Variants in UBE3A observed in about 807,000 individuals in gnomAD.
The protein encoded by UBE3A is ubiquitin protein ligase E3A, also known as ubiquitin-protein ligase E3A.
A neutral mutation model predicts 83.4 loss-of-function variants in UBE3A; 6 were observed. The observed-to-expected ratio is 0.07, with a 90% CI of 0.04 to 0.14. The LOEUF is 0.14. UBE3A is among the 10% of genes least tolerant of loss of function. UBE3A has a pLI of 1.00. For synonymous variants in UBE3A, 337 were observed against 355.4 expected, an observed-to-expected ratio of 0.95 and a Z score of 0.58; for missense variants, 456 against 1,036.1, an observed-to-expected ratio of 0.44 and a Z score of 7.69.
At chr15:25,373,993 GT>G (rs2080762070) in intron 5 of UBE3A, 1 of 152,150 alleles carries the variant, frequency 6.6e-6, no homozygotes, top group South Asian at 2.1e-4. Context: ...CGCAAAAACA[GT>G]TTGGTGCAGA....
chr15:25,433,253 G>A (rs975298671), intron 1 of UBE3A, among the ~76,000 whole-genome samples: 11 of 143,364 alleles, frequency 7.7e-5, no homozygotes, highest in Non-Finnish European at 1.5e-4. Context: ...GCATGATCTT[G>A]GCTCACTGCA....
At chr15:25,437,768 G>T (rs1895545505) in intron 1 of UBE3A, among the ~76,000 whole-genome samples, 1 of 152,062 alleles carries the variant, frequency 6.6e-6, no homozygotes, top group Admixed American at 6.6e-5. Flanking sequence ...TAAGGCATTT[G>T]GTACATTCAA....
intron 2 of UBE3A, among the ~76,000 whole-genome samples, chr15:25,410,744 T>C (rs2089826707): frequency 6.6e-6 from 1 of 152,184 alleles, no homozygotes; most frequent in Admixed American, 6.5e-5. Context: ...TTCCAATAAA[T>C]GGGATTTATA....
At chr15:25,414,685 T>G (rs969223349) in intron 1 of UBE3A, among the ~76,000 whole-genome samples, 3 of 152,198 alleles carry the variant, frequency 2.0e-5, no homozygotes, top group Non-Finnish European at 4.4e-5. Context: ...TCTCTCTCTT[T>G]CCCAGTATAT....
chr15:25,379,772 C>T (rs1192593503), intron 4 of UBE3A, among the ~76,000 whole-genome samples: 1 of 152,108 alleles, frequency 6.6e-6, no homozygotes, highest in Non-Finnish European at 1.5e-5. Flanking sequence ...AAATCGAGTC[C>T]ACCACCTGTT....
chr15:25,367,249 G>GTAAATATGTAAATATGTAAATATTTA (rs1566941812), intron 6 of UBE3A, among the ~76,000 whole-genome samples: 1 of 49,334 alleles, frequency 2.0e-5, no homozygotes, highest in Non-Finnish European at 4.4e-5. Flanking sequence ...GTAAATATTT[G>GTAAATATGTAAATATGTAAATATTTA]CATATTTGTA....
At chr15:25,401,163 A>G (rs953398889) in intron 4 of UBE3A, among the ~76,000 whole-genome samples, 3 of 152,162 alleles carry the variant, frequency 2.0e-5, no homozygotes, top group Admixed American at 1.3e-4. Flanking sequence ...GGTAAATCCC[A>G]TATGATCACA....
At chr15:25,393,651 G>A (rs1372271289) in intron 4 of UBE3A, 6 of 152,022 alleles carry the variant, frequency 3.9e-5, no homozygotes, top group Non-Finnish European at 8.8e-5. Flanking sequence ...TCATAATATA[G>A]CCATGTTTTG....
chr15:25,372,667 C>A (rs932730941), intron 5 of UBE3A, among the ~76,000 whole-genome samples: 1 of 152,166 alleles, frequency 6.6e-6, no homozygotes, highest in African/African-American at 2.4e-5. Context: ...AAAGATATTT[C>A]ATTTCACAGG....
In UBE3A at chr15:25,339,164, C is replaced by G. The variant is rs377110924; in HGVS notation, c.2592G>C (p.Thr864=). The G allele has an allele frequency of 1.4e-5, 23 of 1,607,028 alleles. No individual in the cohort carries two copies. In the South Asian group the frequency reaches 2.2e-4, roughly 15 times the overall value. Residue 864 remains threonine, a synonymous_variant, in exon 13 of 13, where the codon ACG becomes ACC. Coordinates refer to ENST00000648336, the MANE Select transcript of UBE3A (RefSeq NM_130839.5). ...KLKERLLKAI[T]YAKGFGML ...ACAGCATGCCAAATCCTTTGGCATA[C>G]GTGATGGCCTTCAACAATCTCTCTT...
chr15:25,360,573 T>C, intron 6 of UBE3A, 46 bp from the exon 7 acceptor site: 1 of 1,599,392 alleles, frequency 6.3e-7, no homozygotes. Context: ...ATTGCTAGTA[T>C]CAGGAAAAAA....
At position 25,381,369 on chromosome 15, in the gene UBE3A, G is replaced by T. The variant is rs571236840; in HGVS notation, c.63-5606C>A. 8.5e-5 allele frequency among the ~76,000 whole-genome samples: 13 copies of T among 152,306 alleles called. No homozygotes were observed. The South Asian group carries it at 2.7e-3, about 32-fold the overall frequency. ...GAAACAGCTGCCAGAAAGTGAAGAT[G>T]TGACAGTGAACGCCAAACAAGTAAG... On this transcript the variant is annotated intron_variant, in intron 4 of 12. Transcript: ENST00000648336.
At chr15:25,345,852 G>GA (rs2075606379) in intron 11 of UBE3A, 1 of 151,812 alleles carries the variant, frequency 6.6e-6, no homozygotes, top group Non-Finnish European at 1.5e-5. Context: ...GAAATGCAAG[G>GA]AAAAAAATCC....
intron 1 of UBE3A, among the ~76,000 whole-genome samples, chr15:25,414,669 A>G (rs928695647): frequency 1.3e-5 from 2 of 152,232 alleles, no homozygotes; most frequent in Non-Finnish European, 2.9e-5. Flanking sequence ...GTCATATTCT[A>G]AAGAGTCTCT....
intron 4 of UBE3A, among the ~76,000 whole-genome samples, chr15:25,398,055 C>T (rs1219998438): frequency 6.7e-6 from 1 of 149,668 alleles, no homozygotes; most frequent in African/African-American, 2.5e-5. Flanking sequence ...AAAAATGATA[C>T]GTATTTGGGA....
In UBE3A at chr15:25,408,784, C is replaced by T. The variant is rs932879392; in HGVS notation, c.20+304G>A. 7 of 990,090 alleles carry T rather than the reference C, an allele frequency of 7.1e-6. No individual in the cohort carries two copies. In the East Asian group the frequency reaches 7.9e-5, roughly 11 times the overall value. The allele number at this position is 990,090 out of a possible 1,614,324, so 61.3% of individuals were successfully genotyped here. ...CACATAAAAGGCATACTTTAAAATG[C>T]ATATTAAGAAATTTTTAATGTTTTC... On this transcript the variant is annotated intron_variant, in intron 3 of 12. Transcript: ENST00000648336.
intron 4 of UBE3A, among the ~76,000 whole-genome samples, chr15:25,404,444 T>C (rs2087946677): frequency 6.6e-6 from 1 of 152,294 alleles, no homozygotes; most frequent in Admixed American, 6.5e-5. Flanking sequence ...CGAAAAACTT[T>C]GCTTTGATAA....
intron 1 of UBE3A, among the ~76,000 whole-genome samples, chr15:25,414,770 A>G (rs1299336508): frequency 6.6e-6 from 1 of 152,156 alleles, no homozygotes. Flanking sequence ...ATTATTCCCC[A>G]GTCTTTTTTG....
chr15:25,348,073 G>T (rs74442322), intron 11 of UBE3A, among the ~76,000 whole-genome samples: 5,484 of 151,926 alleles, frequency 0.036, 322 homozygotes, highest in African/African-American at 0.12. Context: ...ACTCATATCA[G>T]ATTCAGAGCA....
Sources: allele counts gnomAD v4.1 joint callset (sites outside exome capture counted in the v4.1 genomes callset), GRCh38; gene constraint gnomAD v4.1.1; transcripts MANE v1.5; gene names NCBI Gene and HGNC (gene_info 2026-07-23, HGNC 2026-07-21).